The following PCDHA6 variants were observed in gnomAD, a reference collection of about 807,000 sequenced individuals.
PCDHA6 encodes protocadherin alpha 6.
A neutral mutation model predicts 60.3 loss-of-function variants in PCDHA6; 55 were observed. That is an observed-to-expected ratio of 0.91 (90% CI 0.73 to 1.14). PCDHA6 has a LOEUF of 1.14. Ranked by LOEUF, PCDHA6 falls within the 50% of genes most tolerant of loss-of-function variation. The pLI, the probability that PCDHA6 is intolerant of heterozygous loss-of-function variation, is 0.00. For missense variants in PCDHA6, 1,327 were observed against 1,256.5 expected, an observed-to-expected ratio of 1.06 and a Z score of -0.85; for synonymous variants, 652 against 557.9, an observed-to-expected ratio of 1.17 and a Z score of -2.38.
intron 1 of PCDHA6, among the ~76,000 whole-genome samples, chr5:140,912,990 T>C (rs2076154668): frequency 6.6e-6 from 1 of 152,198 alleles, no homozygotes; most frequent in African/African-American, 2.4e-5. Context: ...GAATTCAGTT[T>C]GCTAGTATTT....
intron 1 of PCDHA6, among the ~76,000 whole-genome samples, chr5:140,895,783 A>G (rs750912902): frequency 2.1e-4 from 32 of 152,122 alleles, no homozygotes; most frequent in Non-Finnish European, 3.8e-4. Context: ...ATAGTATTCA[A>G]TGACGTATAT....
chr5:140,913,942 T>A (rs1489221369), intron 1 of PCDHA6, among the ~76,000 whole-genome samples: 10 of 152,198 alleles, frequency 6.6e-5, no homozygotes, highest in African/African-American at 2.4e-4. Flanking sequence ...GAGAAGAATC[T>A]TGATATGATA....
chr5:140,909,376 A>C (rs934172847), intron 1 of PCDHA6, among the ~76,000 whole-genome samples: 3 of 152,208 alleles, frequency 2.0e-5, no homozygotes, highest in Non-Finnish European at 4.4e-5. Context: ...AAGCAATGAA[A>C]CCACATCTAG....
At chr5:140,880,496 A>G (rs965874952) in intron 1 of PCDHA6, among the ~76,000 whole-genome samples, 4 of 152,206 alleles carry the variant, frequency 2.6e-5, no homozygotes, top group African/African-American at 4.8e-5. Flanking sequence ...AGAGCAATTG[A>G]ATTTCTGTTT....
In PCDHA6 at chr5:140,829,378, C is replaced by T. The variant is rs142490526; in HGVS notation, c.1287C>T (p.Asp429=). 28 of 1,614,180 alleles carry T rather than the reference C, an allele frequency of 1.7e-5. No homozygotes were observed. In the African/African-American group the frequency reaches 2.1e-4, roughly 12 times the overall value. Residue 429 remains aspartate, a synonymous_variant, in exon 1 of 4, where the codon GAC becomes GAT. Transcript: ENST00000529310. ...ATGAGTTGGTGGTAACCGCGCGGGA[C>T]GGGGGCTCGCCTTCGCTGTGGGCCA... ...SAYELVVTAR[D]GGSPSLWATA... is the part of the protein sequence containing the mutation.
At chr5:140,857,658 G>A (rs17844344) in intron 1 of PCDHA6, 3 of 1,596,790 alleles carry the variant, frequency 1.9e-6, no homozygotes, top group East Asian at 2.2e-5. Context: ...GTGAGCGCGC[G>A]CGATGGGGGC....
intron 1 of PCDHA6, chr5:140,831,253 C>T (rs1343986683): frequency 6.6e-6 from 1 of 152,124 alleles, no homozygotes; most frequent in African/African-American, 2.4e-5. Flanking sequence ...TCTCTTATTT[C>T]TGTTTGAATT....
At chr5:140,832,832 C>G (rs2150204585) in intron 1 of PCDHA6, among the ~76,000 whole-genome samples, 3 of 152,178 alleles carry the variant, frequency 2.0e-5, no homozygotes, top group Admixed American at 1.3e-4. Flanking sequence ...GCCTTTTTCC[C>G]TTGTTGAAGG....
In PCDHA6 at chr5:140,882,516, T is replaced by C. The variant is rs782263799; in HGVS notation, c.2394+52031T>C. ...CTGGAGGTAAATCTGCAGAATGGCA[T>C]TTTGTTTGTGAATTCTCGGATCGAC... is the stretch of plus-strand genomic sequence containing the variant. On this transcript the variant is annotated intron_variant, in intron 1 of 3. Coordinates refer to ENST00000529310, the MANE Select transcript of PCDHA6 (RefSeq NM_018909.4). 1.4e-5 allele frequency: 22 copies of C among 1,614,068 alleles called. No individual in the cohort carries two copies. The highest frequency in any genetic ancestry group is 4.0e-5 in the African/African-American group (3 of 74,944).
chr5:140,996,164 T>C (rs934521653), intron 3 of PCDHA6, among the ~76,000 whole-genome samples: 2 of 152,246 alleles, frequency 1.3e-5, no homozygotes, highest in African/African-American at 4.8e-5. Context: ...TATACTGCAA[T>C]GTGCTGACAG....
At position 140,836,743 on chromosome 5, in the gene PCDHA6, G is replaced by A. The variant is rs143805132; in HGVS notation, c.2394+6258G>A. The A allele has an allele frequency of 3.8e-4, 606 of 1,593,492 alleles. 2 individuals carry two copies. Among genetic ancestry groups the A allele is most frequent in the Non-Finnish European group, 4.1e-4 (480 of 1,171,798 alleles). ...GGTCCATCCTCTACAGACAATGTGA[G>A]TCATAAATAATCTTGTTTCCAACAA... On this transcript the variant is annotated intron_variant, in intron 1 of 3. Transcript: ENST00000529310.
intron 3 of PCDHA6, among the ~76,000 whole-genome samples, chr5:141,003,070 G>A (rs1588007737): frequency 6.6e-6 from 1 of 152,232 alleles, no homozygotes; most frequent in South Asian, 2.1e-4. Flanking sequence ...AAATGCAGAT[G>A]AGGGTGAGTT....
intron 1 of PCDHA6, chr5:140,841,829 T>A: frequency 1.2e-6 from 2 of 1,613,898 alleles, no homozygotes; most frequent in Non-Finnish European, 1.7e-6. Flanking sequence ...CGTGTTAACC[T>A]ACAGGCTTAG....
chr5:140,836,554 C>T, intron 1 of PCDHA6: 1 of 1,613,764 alleles, frequency 6.2e-7, no homozygotes, highest in Non-Finnish European at 8.5e-7. Flanking sequence ...TTGCGGTGCT[C>T]AGCGCCGTCC....
At chr5:140,899,654 GTC>G (rs1197760857) in intron 1 of PCDHA6, among the ~76,000 whole-genome samples, 4 of 152,276 alleles carry the variant, frequency 2.6e-5, no homozygotes, top group African/African-American at 9.6e-5. Context: ...ATTTGGTTGT[GTC>G]TCTGCCCGGC....
chr5:140,831,641 G>A (rs10060640), intron 1 of PCDHA6, among the ~76,000 whole-genome samples: 80,051 of 151,240 alleles, frequency 0.53, 21,345 homozygotes, highest in Middle Eastern at 0.65. Flanking sequence ...AAGATTATAG[G>A]TGTGAGCCAC....
intron 1 of PCDHA6, chr5:140,967,680 GGCAGCTCTTCA>G: frequency 6.2e-7 from 1 of 1,614,228 alleles, no homozygotes; most frequent in East Asian, 2.2e-5. Flanking sequence ...GACCGGGAGA[GGCAGCTCTTCA>G]GCATAGATGC....
Position 140,876,759 on chromosome 5 carries a change from T to C in PCDHA6, c.2394+46274T>C, listed in dbSNP as rs782783090. The C allele has an allele frequency of 1.2e-5, 19 of 1,614,028 alleles. No homozygotes were observed. In the Admixed American group the frequency reaches 2.8e-4, roughly 24 times the overall value. Reference sequence around the variant, plus strand: ...ATGAGCTGGTGGTGACTGCGCGGGATGGGGGCTCGCCTTCGCTGTGGGCCA... The same window carrying C: ...ATGAGCTGGTGGTGACTGCGCGGGACGGGGGCTCGCCTTCGCTGTGGGCCA... On this transcript the variant is annotated intron_variant, in intron 1 of 3. Transcript: ENST00000529310.
At chr5:140,858,660 TAAC>T in intron 1 of PCDHA6, 1 of 753,410 alleles carries the variant, frequency 1.3e-6, no homozygotes, top group East Asian at 2.7e-5. Flanking sequence ...TTTTTTTAAA[TAAC>T]AATTTATTCT....
Sources: gnomAD v4.1 joint callset for allele counts (sites outside exome capture counted in the v4.1 genomes callset) on GRCh38, gnomAD v4.1.1 for gene constraint, MANE v1.5 for transcripts, NCBI Gene and HGNC (gene_info 2026-07-23, HGNC 2026-07-21) for gene names.